Variants in FSHR observed in about 807,000 individuals in gnomAD.
FSHR encodes the protein follicle stimulating hormone receptor.
Under a neutral mutation model 52.1 loss-of-function variants are expected in FSHR, and 46 were observed. The observed-to-expected ratio is 0.88, with a 90% CI of 0.70 to 1.13. The LOEUF is 1.13. FSHR is among the 50% of genes most tolerant of loss of function. FSHR has a pLI of 0.00. For missense variants in FSHR, 964 were observed against 834.6 expected (o/e 1.16, Z -1.91); for synonymous variants, 399 against 309.6 (o/e 1.29, Z -3.03).
At chr2:49,092,275 C>T (rs144509247) in intron 1 of FSHR, among the ~76,000 whole-genome samples, 2 of 152,174 alleles carry the variant, frequency 1.3e-5, no homozygotes, top group African/African-American at 2.4e-5. Flanking sequence ...TTTGGAGACC[C>T]ATTGCGTGGT....
intron 1 of FSHR, among the ~76,000 whole-genome samples, chr2:49,142,862 A>G (rs968566288): frequency 6.6e-6 from 1 of 152,152 alleles, no homozygotes; most frequent in Non-Finnish European, 1.5e-5. Context: ...TGGGAGTGAC[A>G]GTTTGGTGAC....
intron 1 of FSHR, among the ~76,000 whole-genome samples, chr2:49,112,926 G>A (rs752422058): frequency 5.9e-5 from 9 of 152,140 alleles, no homozygotes; most frequent in African/African-American, 9.7e-5. Context: ...AGTCCCAAAT[G>A]CCCAGGTGGG....
intron 4 of FSHR, chr2:49,015,089 G>A: frequency 3.3e-6 from 1 of 300,952 alleles, no homozygotes; most frequent in Non-Finnish European, 6.4e-6. Context: ...TTTTATTAAA[G>A]GCATAATCTT....
intron 8 of FSHR, among the ~76,000 whole-genome samples, chr2:48,975,234 T>C (rs1389923676): frequency 6.6e-6 from 1 of 152,146 alleles, no homozygotes; most frequent in Non-Finnish European, 1.5e-5. Flanking sequence ...CTCCTACTTT[T>C]AGACATCAGA....
intron 4 of FSHR, among the ~76,000 whole-genome samples, chr2:49,005,046 T>A (rs925366621): frequency 6.6e-6 from 1 of 151,810 alleles, no homozygotes; most frequent in African/African-American, 2.4e-5. Context: ...TTTTTCAGGT[T>A]CCTCTTTCAA....
intron 2 of FSHR, among the ~76,000 whole-genome samples, chr2:49,053,646 G>A (rs931126330): frequency 4.6e-5 from 7 of 152,062 alleles, no homozygotes; most frequent in Non-Finnish European, 8.8e-5. Context: ...ATGAACAGTG[G>A]CCATTTCATT....
intron 6 of FSHR, among the ~76,000 whole-genome samples, chr2:48,986,137 C>T (rs555823077): frequency 3.3e-4 from 50 of 152,324 alleles, no homozygotes; most frequent in African/African-American, 1.2e-3. Flanking sequence ...TCTCTCCTCC[C>T]TCAGGTAGGC....
At chr2:49,085,749 T>TGTG (rs1394488722) in intron 1 of FSHR, among the ~76,000 whole-genome samples, 4 of 152,114 alleles carry the variant, frequency 2.6e-5, no homozygotes, top group Non-Finnish European at 5.9e-5. Flanking sequence ...ATTAAGAAAA[T>TGTG]GTGGCACATA....
intron 1 of FSHR, among the ~76,000 whole-genome samples, chr2:49,119,493 T>C (rs1671725149): frequency 6.6e-6 from 1 of 152,202 alleles, no homozygotes; most frequent in Non-Finnish European, 1.5e-5. Context: ...AGCCCATCAA[T>C]TCAATTTATC....
chr2:49,025,402 C>T (rs1175094044), intron 2 of FSHR, among the ~76,000 whole-genome samples: 8 of 151,894 alleles, frequency 5.3e-5, no homozygotes, highest in Non-Finnish European at 1.2e-4. Flanking sequence ...ATTTTAGTTA[C>T]TAGAAAAAAT....
At chr2:48,985,904 G>T (rs1675487451) in intron 6 of FSHR, among the ~76,000 whole-genome samples, 2 of 150,690 alleles carry the variant, frequency 1.3e-5, no homozygotes, top group African/African-American at 4.9e-5. Context: ...TAGTAGAGAC[G>T]GGGTTTCACC....
At chr2:49,080,431 A>G (rs1434039103) in intron 1 of FSHR, among the ~76,000 whole-genome samples, 2 of 152,184 alleles carry the variant, frequency 1.3e-5, no homozygotes, top group Admixed American at 6.5e-5. Flanking sequence ...ACTGGAAACA[A>G]CTTAAGTACC....
At chr2:49,056,400 T>C (rs1669063124) in intron 2 of FSHR, among the ~76,000 whole-genome samples, 1 of 145,366 alleles carries the variant, frequency 6.9e-6, no homozygotes, top group African/African-American at 2.6e-5. Flanking sequence ...ATTAACATTA[T>C]AAAATAATAA....
At chr2:49,139,877 C>T (rs543038707) in intron 1 of FSHR, among the ~76,000 whole-genome samples, 1 of 152,058 alleles carries the variant, frequency 6.6e-6, no homozygotes, top group East Asian at 1.9e-4. Context: ...AGATTACAGG[C>T]GTGAGCCACC....
intron 8 of FSHR, among the ~76,000 whole-genome samples, chr2:48,972,064 A>G (rs538460616): frequency 7.2e-5 from 11 of 152,154 alleles, no homozygotes; most frequent in South Asian, 2.1e-4. Context: ...GTCATATTCA[A>G]TTGCCTCCTT....
In FSHR at chr2:49,141,263, G is replaced by A. The variant is rs1253141968; in HGVS notation, c.152+13003C>T. 3.3e-5 allele frequency among the ~76,000 whole-genome samples: 5 copies of A among 152,020 alleles called. No individual in the cohort carries two copies. In the East Asian group the frequency reaches 9.6e-4, roughly 29 times the overall value. On this transcript the variant is annotated intron_variant, in intron 1 of 9. Transcript: ENST00000406846. Reference sequence around the variant, plus strand: ...ATCTGTGTTAGGCTGTTCTTGCATTGCTATTAAAAAATACCTAAGACTGGG... The same window carrying A: ...ATCTGTGTTAGGCTGTTCTTGCATTACTATTAAAAAATACCTAAGACTGGG...
chr2:49,124,039 C>T (rs1159489176), intron 1 of FSHR, among the ~76,000 whole-genome samples: 1 of 151,580 alleles, frequency 6.6e-6, no homozygotes, highest in African/African-American at 2.4e-5. Context: ...GGCTGGAGTG[C>T]AGTGGCATGA....
intron 4 of FSHR, among the ~76,000 whole-genome samples, chr2:48,993,065 C>A (rs896913674): frequency 3.3e-5 from 5 of 152,082 alleles, no homozygotes; most frequent in African/African-American, 1.2e-4. Flanking sequence ...TCCTGTTACT[C>A]CTTTTTAGCA....
intron 2 of FSHR, among the ~76,000 whole-genome samples, chr2:49,027,178 A>T (rs1349524874): frequency 6.6e-6 from 1 of 152,094 alleles, no homozygotes; most frequent in East Asian, 1.9e-4. Context: ...AAATTCTCTC[A>T]ATTACTCTCT....
Sources: allele counts gnomAD v4.1 joint callset (sites outside exome capture counted in the v4.1 genomes callset), GRCh38; gene constraint gnomAD v4.1.1; transcripts MANE v1.5; gene names NCBI Gene and HGNC (gene_info 2026-07-23, HGNC 2026-07-21).